Variants in CLEC4F observed in about 807,000 individuals in gnomAD.
CLEC4F encodes the protein C-type lectin domain family 4 member F, also known as C-type (calcium dependent, carbohydrate-recognition domain) lectin, superfamily member 13.
A neutral mutation model predicts 53.4 loss-of-function variants in CLEC4F; 45 were observed. The observed-to-expected ratio is 0.84, with a 90% CI of 0.66 to 1.08. The LOEUF (loss-of-function observed/expected upper bound fraction) is 1.08, where lower values mean the gene tolerates loss of function less well. Ranked by LOEUF, CLEC4F falls within the 50% of genes least tolerant of loss-of-function variation. The pLI, the probability that CLEC4F is intolerant of heterozygous loss-of-function variation, is 0.00. For synonymous variants in CLEC4F, 245 were observed against 257.5 expected (o/e 0.95, Z 0.46); for missense variants, 753 against 698.2 (o/e 1.08, Z -0.88).
intron 5 of CLEC4F, among the ~76,000 whole-genome samples, chr2:70,810,408 C>T (rs185947314): frequency 9.6e-4 from 146 of 152,042 alleles, no homozygotes; most frequent in African/African-American, 3.3e-3. Flanking sequence ...CACCTGAGGT[C>T]GGGAGTTCGA....
At chr2:70,815,789 C>A (rs1676864173) in intron 4 of CLEC4F, among the ~76,000 whole-genome samples, 1 of 152,166 alleles carries the variant, frequency 6.6e-6, no homozygotes, top group South Asian at 2.1e-4. Flanking sequence ...TTCATTTGGT[C>A]ACCGTGACCA....
chr2:70,810,615 T>C (rs1553393979), intron 5 of CLEC4F, among the ~76,000 whole-genome samples: 1 of 43,646 alleles, frequency 2.3e-5, no homozygotes, highest in African/African-American at 1.0e-4. Flanking sequence ...CGAAACTCTG[T>C]CGCAAAAAAA....
chr2:70,809,320 G>A lies in CLEC4F; in HGVS notation c.1721C>T (p.Ala574Val), dbSNP rs1292465366. The change falls in exon 7 of 7, where the codon GCT becomes GTT. Residue 574 changes from alanine to valine, a missense_variant. Transcript: ENST00000272367. ...GGGAGGGGTGTCTATGAAGCTGCAA[G>A]CTCCCATCCCAGAATTCACAATAAT... is the stretch of plus-strand genomic sequence containing the variant. The part of the protein sequence containing the change: ...KYIIVNSGMG[A>V]CSFIDTPPCP... 6.2e-7 allele frequency: 1 copy of A among 1,613,952 alleles called. No individual in the cohort carries two copies. Among genetic ancestry groups the A allele is most frequent in the Middle Eastern group, 1.7e-4 (1 of 6,002 alleles).
chr2:70,816,536 T>A lies in CLEC4F; in HGVS notation c.845A>T (p.Asn282Ile). 6.2e-7 allele frequency: 1 copy of A among 1,614,150 alleles called. No individual in the cohort carries two copies. The highest frequency in any genetic ancestry group is 1.1e-5 in the South Asian group (1 of 91,088). ...TTCCTTTAGTCCCTGGATCTCAGCATTGGCTCCTTCCAAACTATTTCTTAA... is the reference window on the plus strand; with the variant it reads ...TTCCTTTAGTCCCTGGATCTCAGCAATGGCTCCTTCCAAACTATTTCTTAA... ...QVLRNSLEGA[N>I]AEIQGLKENL... Residue 282 changes from asparagine (N) to isoleucine (I), a missense_variant, in exon 4 of 7, where the codon AAT (asparagine) becomes ATT (isoleucine). Asn to Ile is a moderately radical substitution (Grantham distance 149). Transcript: ENST00000272367.
intron 4 of CLEC4F, 81 bp from the exon 5 acceptor site, chr2:70,812,679 G>A: frequency 7.0e-7 from 1 of 1,419,798 alleles, no homozygotes; most frequent in South Asian, 1.3e-5. Flanking sequence ...CCTCTCTAGG[G>A]CCTGCCCACT....
chr2:70,810,911 G>T, intron 5 of CLEC4F: 2 of 536,888 alleles, frequency 3.7e-6, no homozygotes, highest in South Asian at 1.5e-5. Flanking sequence ...ATAAACCAAT[G>T]GCACAAAAAT....
rs1177262823 is a variant in CLEC4F at position 70,808,974 on chromosome 2, G to C, written c.*297C>G. 2 of 1,095,824 alleles carry C rather than the reference G, an allele frequency of 1.8e-6. No individual in the cohort carries two copies. The highest frequency in any genetic ancestry group is 2.0e-5 in the Admixed American group (1 of 49,238). The allele number at this position is 1,095,824 out of a possible 1,614,324, so 67.9% of individuals were successfully genotyped here. On this transcript the variant is annotated 3_prime_UTR_variant, in exon 7 of 7. Transcript: ENST00000272367. ...TGGGCTTCTTGCACACCCACTGATAGGGGGTGTCACAGGTCATGTCATTCC... is the reference window on the plus strand; with the variant it reads ...TGGGCTTCTTGCACACCCACTGATACGGGGTGTCACAGGTCATGTCATTCC...
chr2:70,808,794 T>A lies in CLEC4F; in HGVS notation c.*477A>T. ...GGTAAGCATGTTTGAAAGGGCTGAATCAAAGAACAAGGCAGGAAGTCCACA... is the reference window on the plus strand; with the variant it reads ...GGTAAGCATGTTTGAAAGGGCTGAAACAAAGAACAAGGCAGGAAGTCCACA... On this transcript the variant is annotated 3_prime_UTR_variant, in exon 7 of 7. Coordinates refer to ENST00000272367, the MANE Select transcript of CLEC4F (RefSeq NM_173535.3). 1 of 442,132 alleles carries A rather than the reference T, an allele frequency of 2.3e-6. No individual in the cohort carries two copies. The highest frequency in any genetic ancestry group is 4.2e-6 in the Non-Finnish European group (1 of 239,236). 27.4% of individuals were successfully genotyped at this position (442,132 alleles called of 1,614,324 possible).
At position 70,816,050 on chromosome 2, in the gene CLEC4F, C is replaced by T. The variant is rs782797954; in HGVS notation, c.1331G>A (p.Arg444His). Residue 444 changes from arginine (R) to histidine (H), a missense_variant, in exon 4 of 7, where the codon CGC (arginine) becomes CAC (histidine). By Grantham distance (29) the Arg-to-His change is conservative (BLOSUM62 0). Transcript: ENST00000272367. ...LTMEIQQEQS[R>H]LKTLHVVITS... is the part of the protein sequence containing the mutation. ...AATGACCACATGGAGGGTCTTCAGG[C>T]GACTCTGCTCCTGCTGGATTTCCAT... 2.0e-5 allele frequency: 32 copies of T among 1,614,068 alleles called. No homozygotes were observed. Among genetic ancestry groups the T allele is most frequent in the Non-Finnish European group, 2.5e-5 (29 of 1,180,046 alleles).
rs1553396484 is a variant in CLEC4F at position 70,817,016 on chromosome 2, T to C, written c.365A>G (p.Gln122Arg). ...ENSSAWVVEI[Q>R]MLKCRVDNVN... Reference sequence around the variant, plus strand: ...ATTGTCCACTCTGCACTTCAACATCTGGATTTCTACTACCCAGGCACTGGA... The same window carrying C: ...ATTGTCCACTCTGCACTTCAACATCCGGATTTCTACTACCCAGGCACTGGA... Residue 122 changes from glutamine (Q) to arginine (R), a missense_variant, in exon 4 of 7, where the codon CAG (glutamine) becomes CGG (arginine). By Grantham distance (43) the Gln-to-Arg change is conservative. Coordinates refer to ENST00000272367, the MANE Select transcript of CLEC4F (RefSeq NM_173535.3). 9.9e-6 allele frequency: 16 copies of C among 1,614,210 alleles called. No individual in the cohort carries two copies. Among genetic ancestry groups the C allele is most frequent in the Non-Finnish European group, 1.3e-5 (15 of 1,180,038 alleles).
chr2:70,814,105 C>A (rs1676764509), intron 4 of CLEC4F, among the ~76,000 whole-genome samples: 1 of 152,340 alleles, frequency 6.6e-6, no homozygotes, highest in East Asian at 1.9e-4. Context: ...ACAGCCTGAT[C>A]TATTCAAGCT....
At chr2:70,822,550 C>A (rs1574387932), upstream of CLEC4F, among the ~76,000 whole-genome samples, 1 of 152,142 alleles carries the variant, frequency 6.6e-6, no homozygotes, top group East Asian at 1.9e-4. Flanking sequence ...CCTGTCCCTG[C>A]CACAGGGGTT....
In CLEC4F at chr2:70,809,821, A is replaced by G. The variant is rs782441312; in HGVS notation, c.1576T>C (p.Trp526Arg). 4 of 1,614,134 alleles carry G rather than the reference A, an allele frequency of 2.5e-6. No homozygotes were observed. The Admixed American group carries it at 6.7e-5, about 27-fold the overall frequency. ...GTGCCCCTGTCAGTGAGACCGATCCAGTAGTACACTTTACTTGTGAACTCT... is the reference window on the plus strand; with the variant it reads ...GTGCCCCTGTCAGTGAGACCGATCCGGTAGTACACTTTACTTGTGAACTCT... ...LVEFTSKVYY[W>R]IGLTDRGTEG... Residue 526 changes from tryptophan to arginine, a missense_variant, in exon 6 of 7, where the codon TGG becomes CGG. Coordinates refer to ENST00000272367, the MANE Select transcript of CLEC4F (RefSeq NM_173535.3).
upstream of CLEC4F, among the ~76,000 whole-genome samples, chr2:70,824,040 AAGAAAG>A (rs1558624112): frequency 1.8e-4 from 25 of 138,058 alleles, no homozygotes; most frequent in African/African-American, 4.4e-4. Context: ...AAAAAAAAGA[AAGAAAG>A]AAAGAAAGAA....
rs1553396001 is a variant in CLEC4F, at chr2:70,816,457, G to A, written c.924C>T (p.Ser308=). The stretch of plus-strand genomic sequence containing the variant: ...TCTCAGCACTAGTGTTGTCAAAACT[G>A]CTTTTTATAAAGGCCTGGGTCTGGG... ...LNSQTQAFIK[S]SFDNTSAEIQ... The change falls in exon 4 of 7, where the codon AGC becomes AGT. Residue 308 remains serine (S), a synonymous_variant. Transcript: ENST00000272367. 6.2e-7 allele frequency: 1 copy of A among 1,614,100 alleles called. No individual in the cohort carries two copies. Among genetic ancestry groups the A allele is most frequent in the Non-Finnish European group, 8.5e-7 (1 of 1,180,032 alleles).
chr2:70,819,852 A>T lies in CLEC4F; in HGVS notation c.101T>A (p.Ile34Lys), dbSNP rs1553397508. ...SVAMAPAAPK[I>K]PRLVQATPAF... ...CGGGGTAGCCTGAACGAGCCTCGGT[A>T]TCTTGGGGGCTGCAGGAGCCATTGC... Residue 34 changes from isoleucine (I) to lysine (K), a missense_variant, in exon 2 of 7, where the codon ATA (isoleucine) becomes AAA (lysine). Coordinates refer to ENST00000272367, the MANE Select transcript of CLEC4F (RefSeq NM_173535.3). 5 of 1,607,620 alleles carry T rather than the reference A, an allele frequency of 3.1e-6. No individual in the cohort carries two copies. Among genetic ancestry groups the T allele is most frequent in the Non-Finnish European group, 4.2e-6 (5 of 1,177,214 alleles).
chr2:70,809,033 GC>G lies in CLEC4F; in HGVS notation c.*237del. ...TGAATTTGGACACAGTCTTCAGTCT[GC>G]CCATTCTTGTGCCGCCAGTTGTCAG... On this transcript the variant is annotated 3_prime_UTR_variant, in exon 7 of 7. Coordinates refer to ENST00000272367, the MANE Select transcript of CLEC4F (RefSeq NM_173535.3). 7 of 1,489,062 alleles carry G rather than the reference GC, an allele frequency of 4.7e-6. No homozygotes were observed. The highest frequency in any genetic ancestry group is 6.3e-6 in the Non-Finnish European group (7 of 1,103,538). The allele number at this position is 1,489,062 out of a possible 1,614,324, so 92.2% of individuals were successfully genotyped here. A position where few individuals can be genotyped will look rare whatever the true frequency, so the allele number is the denominator to read the frequency against.
rs1338493991 is a variant in CLEC4F at position 70,809,048 on chromosome 2, G to A, written c.*223C>T. ...TCTTCAGTCTGCCCATTCTTGTGCC[G>A]CCAGTTGTCAGACTGATTCTTTTCC... On this transcript the variant is annotated 3_prime_UTR_variant, in exon 7 of 7. Coordinates refer to ENST00000272367, the MANE Select transcript of CLEC4F (RefSeq NM_173535.3). 13 of 1,516,696 alleles carry A rather than the reference G, an allele frequency of 8.6e-6. No homozygotes were observed. The highest frequency in any genetic ancestry group is 4.0e-5 in the Admixed American group (2 of 50,078). The allele number at this position is 1,516,696 out of a possible 1,614,324, so 94.0% of individuals were successfully genotyped here. A position where few individuals can be genotyped will look rare whatever the true frequency, so the allele number is the denominator to read the frequency against.
chr2:70,820,593 T>A lies in CLEC4F; in HGVS notation c.-70A>T, dbSNP rs545824555. ...CTGGAAGGGCCGTCCCGTGGACCAA[T>A]GGCAGTGGAAGCAAAGCTGAGACAC... On this transcript the variant is annotated 5_prime_UTR_variant, in exon 1 of 7. Transcript: ENST00000272367. 8.8e-6 allele frequency: 13 copies of A among 1,469,576 alleles called. No individual in the cohort carries two copies. Among genetic ancestry groups the A allele is most frequent in the Admixed American group, 2.1e-5 (1 of 48,246 alleles). 91.0% of individuals were successfully genotyped at this position (1,469,576 alleles called of 1,614,324 possible). A position where few individuals can be genotyped will look rare whatever the true frequency, so the allele number is the denominator to read the frequency against.
Sources: allele counts gnomAD v4.1 joint callset (sites outside exome capture counted in the v4.1 genomes callset), GRCh38; gene constraint gnomAD v4.1.1; transcripts MANE v1.5; gene names NCBI Gene and HGNC (gene_info 2026-07-23, HGNC 2026-07-21).